Variants in NEGR1 observed in about 807,000 individuals in gnomAD.
NEGR1 encodes the protein neuronal growth regulator 1.
NEGR1 carries 10 observed loss-of-function variants against 40.9 expected under a neutral mutation model. The observed-to-expected ratio is 0.24, with a 90% CI of 0.15 to 0.42. The LOEUF (loss-of-function observed/expected upper bound fraction) is 0.42. Among genes scored for constraint, NEGR1 ranks in the 10% least tolerant of loss-of-function variants. NEGR1 has a pLI of 1.00. For synonymous variants in NEGR1, 185 were observed against 166.8 expected (o/e 1.11, Z -0.84); for missense variants, 352 against 438.9 (o/e 0.80, Z 1.77).
chr1:72,161,422 G>C (rs1651554785), intron 1 of NEGR1, among the ~76,000 whole-genome samples: 1 of 151,904 alleles, frequency 6.6e-6, no homozygotes, highest in Admixed American at 6.6e-5. Flanking sequence ...GCCCCCCAGG[G>C]GGCATTTGTC....
intron 6 of NEGR1, among the ~76,000 whole-genome samples, chr1:71,494,443 A>C (rs1322678408): frequency 6.6e-6 from 1 of 152,180 alleles, no homozygotes; most frequent in Non-Finnish European, 1.5e-5. Context: ...CAGGAAGAAG[A>C]CAGCCAGAAG....
intron 4 of NEGR1, among the ~76,000 whole-genome samples, chr1:71,635,167 A>T (rs917353421): frequency 1.3e-5 from 2 of 151,514 alleles, no homozygotes; most frequent in African/African-American, 4.9e-5. Context: ...ATATTGGAAG[A>T]AAATAAATGT....
intron 1 of NEGR1, among the ~76,000 whole-genome samples, chr1:71,966,079 C>T (rs982452829): frequency 4.6e-5 from 7 of 152,244 alleles, no homozygotes; most frequent in South Asian, 2.1e-4. Flanking sequence ...CAATAATTCA[C>T]CACATTCATT....
chr1:71,824,357 T>TA (rs200928785), intron 2 of NEGR1, among the ~76,000 whole-genome samples: 6,000 of 142,768 alleles, frequency 0.042, 159 homozygotes, highest in African/African-American at 0.08. Flanking sequence ...GATAAGATCA[T>TA]AAAAAAAAAA....
At chr1:71,534,413 C>T (rs1434986665) in intron 6 of NEGR1, among the ~76,000 whole-genome samples, 1 of 151,624 alleles carries the variant, frequency 6.6e-6, no homozygotes, top group African/African-American at 2.4e-5. Context: ...ATTCTTTGGG[C>T]CCTTTTCTGA....
chr1:71,440,010 A>G (rs1296949914), intron 6 of NEGR1, among the ~76,000 whole-genome samples: 1 of 151,928 alleles, frequency 6.6e-6, no homozygotes, highest in Non-Finnish European at 1.5e-5. Flanking sequence ...TTATTGTTTT[A>G]TTTTATTATT....
chr1:71,543,224 G>C (rs990232022), intron 6 of NEGR1, among the ~76,000 whole-genome samples: 2 of 151,552 alleles, frequency 1.3e-5, no homozygotes, highest in African/African-American at 4.8e-5. Flanking sequence ...GTGGACATTT[G>C]TACATTCTTA....
chr1:71,649,821 A>C (rs1413934404), intron 4 of NEGR1, among the ~76,000 whole-genome samples: 1 of 152,164 alleles, frequency 6.6e-6, no homozygotes, highest in Admixed American at 6.6e-5. Flanking sequence ...AGAAGTCTGC[A>C]GCTTCATTCC....
chr1:71,761,260 TCTA>T (rs761265541), intron 3 of NEGR1, among the ~76,000 whole-genome samples: 25 of 152,268 alleles, frequency 1.6e-4, no homozygotes, highest in Middle Eastern at 6.8e-3. Flanking sequence ...ACTATTCACT[TCTA>T]CTGCTGTAGA....
At chr1:72,082,720 A>AC (rs985935484) in intron 1 of NEGR1, among the ~76,000 whole-genome samples, 12 of 152,170 alleles carry the variant, frequency 7.9e-5, no homozygotes, top group African/African-American at 2.6e-4. Flanking sequence ...AAAACAAAAA[A>AC]AAAAAAACTA....
chr1:72,060,421 A>C (rs1569895217), intron 1 of NEGR1, among the ~76,000 whole-genome samples: 1 of 151,712 alleles, frequency 6.6e-6, no homozygotes, highest in Non-Finnish European at 1.5e-5. Flanking sequence ...CGAAGGGTAC[A>C]AACTTTTATT....
Position 72,116,571 on chromosome 1 carries a change from GTTAAT to G in NEGR1, c.176+165743_176+165747del, listed in dbSNP as rs1649588656. 2.0e-5 allele frequency among the ~76,000 whole-genome samples: 3 copies of G among 151,738 alleles called. No homozygotes were observed. The South Asian group carries it at 6.2e-4, about 31-fold the overall frequency. Reference sequence around the variant, plus strand: ...TAGTCGTGGTTTTAAGTTAATTACAGTTAATTTAATCCCTACTTCATGAAAATAAA... The same window carrying G: ...TAGTCGTGGTTTTAAGTTAATTACAGTTAATCCCTACTTCATGAAAATAAA... On this transcript the variant is annotated intron_variant, in intron 1 of 6. Coordinates refer to ENST00000357731, the MANE Select transcript of NEGR1 (RefSeq NM_173808.3).
chr1:72,121,015 A>G (rs867711574), intron 1 of NEGR1, among the ~76,000 whole-genome samples: 1 of 151,928 alleles, frequency 6.6e-6, no homozygotes, highest in African/African-American at 2.4e-5. Flanking sequence ...ATGTAGATTG[A>G]CTCTATTTAA....
At chr1:72,261,701 A>G (rs1655461801) in intron 1 of NEGR1, among the ~76,000 whole-genome samples, 1 of 152,052 alleles carries the variant, frequency 6.6e-6, no homozygotes, top group African/African-American at 2.4e-5. Flanking sequence ...AAAGAATGAA[A>G]TCAAGTCTTT....
intron 1 of NEGR1, among the ~76,000 whole-genome samples, chr1:71,990,964 A>C (rs1028104100): frequency 1.3e-5 from 2 of 151,298 alleles, no homozygotes; most frequent in Admixed American, 1.3e-4. Flanking sequence ...CCACAAATTC[A>C]CTGTGTCCAA....
chr1:71,841,929 C>G (rs550124327), intron 2 of NEGR1, among the ~76,000 whole-genome samples: 5 of 152,224 alleles, frequency 3.3e-5, no homozygotes, highest in African/African-American at 1.2e-4. Flanking sequence ...TTAAAACTGT[C>G]TCAAAATTCC....
intron 2 of NEGR1, among the ~76,000 whole-genome samples, chr1:71,804,116 C>A (rs1316194341): frequency 6.6e-6 from 1 of 152,004 alleles, no homozygotes; most frequent in African/African-American, 2.4e-5. Context: ...GTCTAGTATA[C>A]AACCCTACCA....
At chr1:71,579,788 C>T (rs1420853471) in intron 6 of NEGR1, among the ~76,000 whole-genome samples, 2 of 152,014 alleles carry the variant, frequency 1.3e-5, no homozygotes, top group East Asian at 3.9e-4. Context: ...TATATGAATG[C>T]TTTTTATGAC....
chr1:71,581,243 C>T (rs1649124143), intron 6 of NEGR1, among the ~76,000 whole-genome samples: 1 of 152,038 alleles, frequency 6.6e-6, no homozygotes, highest in African/African-American at 2.4e-5. Context: ...ACCATGGAAA[C>T]CGGCAAATGG....
Sources: allele counts gnomAD v4.1 joint callset (sites outside exome capture counted in the v4.1 genomes callset), GRCh38; gene constraint gnomAD v4.1.1; transcripts MANE v1.5; gene names NCBI Gene and HGNC (gene_info 2026-07-23, HGNC 2026-07-21).